WWTR1: variants seen among roughly 807,000 people sequenced by gnomAD.
The protein encoded by WWTR1 is WW domain containing transcription regulator 1, also known as WW domain-containing transcription regulator protein 1.
Under a neutral mutation model 40.1 loss-of-function variants are expected in WWTR1, and 13 were observed. The ratio of observed to expected loss-of-function variants is 0.32; its 90% confidence interval spans 0.21 to 0.52. WWTR1 has a LOEUF of 0.52. Among genes scored for constraint, WWTR1 ranks in the 20% least tolerant of loss-of-function variants. The pLI is 0.97. For missense variants in WWTR1, 436 were observed against 523.1 expected (o/e 0.83, Z 1.63); for synonymous variants, 230 against 210.1 (o/e 1.09, Z -0.82).
intron 2 of WWTR1, among the ~76,000 whole-genome samples, chr3:149,592,240 C>T (rs1325718632): frequency 6.6e-6 from 1 of 152,150 alleles, no homozygotes; most frequent in Non-Finnish European, 1.5e-5. Context: ...AGCTTAATCC[C>T]ACATTTCTGT....
upstream of WWTR1, among the ~76,000 whole-genome samples, chr3:149,707,033 A>G (rs143105096): frequency 7.6e-4 from 116 of 152,300 alleles, no homozygotes; most frequent in Admixed American, 1.3e-3. Flanking sequence ...TTGTTCTCAG[A>G]TGGGCCTTCA....
intron 3 of WWTR1, among the ~76,000 whole-genome samples, chr3:149,570,092 T>TGA (rs1464303252): frequency 6.6e-6 from 1 of 152,260 alleles, no homozygotes; most frequent in Non-Finnish European, 1.5e-5. Context: ...CTGACTGTAT[T>TGA]GAGACTCTCT....
At chr3:149,657,385 C>CGAGATGGT in intron 1 of WWTR1, 76 bp from the exon 2 acceptor site, 1 of 1,446,460 alleles carries the variant, frequency 6.9e-7, no homozygotes, top group Non-Finnish European at 9.2e-7. Flanking sequence ...GGTGAGAGGG[C>CGAGATGGT]GAGATGGTGG....
intron 1 of WWTR1, among the ~76,000 whole-genome samples, chr3:149,686,533 C>G (rs1714660835): frequency 6.6e-6 from 1 of 152,124 alleles, no homozygotes; most frequent in African/African-American, 2.4e-5. Flanking sequence ...GACACCATCT[C>G]TCTCTATATA....
At chr3:149,559,409 T>C (rs1212573295) in intron 3 of WWTR1, among the ~76,000 whole-genome samples, 3 of 151,376 alleles carry the variant, frequency 2.0e-5, no homozygotes, top group Non-Finnish European at 2.9e-5. Context: ...TTGTCTCAAA[T>C]GGTTCAGAAA....
chr3:149,571,697 A>G (rs1453138293), intron 3 of WWTR1, among the ~76,000 whole-genome samples: 1 of 152,224 alleles, frequency 6.6e-6, no homozygotes, highest in Non-Finnish European at 1.5e-5. Flanking sequence ...GTCCAGGAAT[A>G]ACGCTTCCAT....
intron 6 of WWTR1, chr3:149,525,755 G>T (rs535861400): frequency 1.4e-4 from 38 of 270,278 alleles, no homozygotes; most frequent in Non-Finnish European, 2.5e-4. Context: ...AGACACTCGG[G>T]ACTACTGGGA....
chr3:149,662,026 C>T (rs554530159), upstream of WWTR1, among the ~76,000 whole-genome samples: 2 of 152,106 alleles, frequency 1.3e-5, no homozygotes, highest in South Asian at 2.1e-4. Context: ...CCACCTCGCC[C>T]GGCCAAATAA....
intron 1 of WWTR1, among the ~76,000 whole-genome samples, chr3:149,679,965 C>A (rs1424998243): frequency 6.6e-6 from 1 of 152,144 alleles, no homozygotes; most frequent in Non-Finnish European, 1.5e-5. Context: ...ATTCTGACAT[C>A]ATGGTAAATC....
At chr3:149,695,461 A>G (rs1033547705) in intron 1 of WWTR1, among the ~76,000 whole-genome samples, 3 of 152,170 alleles carry the variant, frequency 2.0e-5, no homozygotes, top group African/African-American at 7.2e-5. Context: ...AAAATTAAAA[A>G]TAAAAAAATT....
intron 2 of WWTR1, chr3:149,648,922 A>G (rs943147131): frequency 5.3e-5 from 8 of 152,154 alleles, no homozygotes; most frequent in Non-Finnish European, 1.2e-4. Context: ...AGCCAGCCAC[A>G]CATTTCTTCT....
At chr3:149,550,249 G>T (rs1736554478) in intron 3 of WWTR1, among the ~76,000 whole-genome samples, 1 of 152,084 alleles carries the variant, frequency 6.6e-6, no homozygotes, top group Non-Finnish European at 1.5e-5. Context: ...GTGTCCCAGG[G>T]GAATAAATAG....
chr3:149,635,822 CT>C lies in WWTR1; in HGVS notation c.431+21053del, dbSNP rs1453468250. On this transcript the variant is annotated intron_variant, in intron 2 of 6. Transcript: ENST00000360632. The stretch of plus-strand genomic sequence containing the variant: ...AAAGCAAGAATGCATTTATTTATGA[CT>C]TGGGCAGTTTTTTAAAATAAAAAAA... 3.3e-5 allele frequency among the ~76,000 whole-genome samples: 5 copies of C among 152,200 alleles called. No individual in the cohort carries two copies. In the East Asian group the frequency reaches 5.8e-4, roughly 18 times the overall value.
intron 2 of WWTR1, among the ~76,000 whole-genome samples, chr3:149,653,528 T>G (rs529574235): frequency 1.3e-5 from 2 of 152,338 alleles, no homozygotes; most frequent in South Asian, 4.1e-4. Context: ...TCTAAAGGAA[T>G]ATCTGAATAC....
At chr3:149,534,816 G>A (rs1735748532) in intron 4 of WWTR1, among the ~76,000 whole-genome samples, 1 of 152,154 alleles carries the variant, frequency 6.6e-6, no homozygotes, top group Non-Finnish European at 1.5e-5. Flanking sequence ...TTATTTATGG[G>A]CTAAAAAATA....
chr3:149,586,194 A>C (rs909272991), intron 2 of WWTR1, among the ~76,000 whole-genome samples: 5 of 152,204 alleles, frequency 3.3e-5, no homozygotes, highest in African/African-American at 4.8e-5. Context: ...TTTTGTTTTG[A>C]TATACCTTTA....
At chr3:149,608,666 G>C (rs1739596480) in intron 2 of WWTR1, among the ~76,000 whole-genome samples, 3 of 152,106 alleles carry the variant, frequency 2.0e-5, no homozygotes, top group Admixed American at 2.0e-4. Context: ...TAGGATTACA[G>C]GTGTGAGTCA....
chr3:149,648,689 C>G (rs1712671525), intron 2 of WWTR1, among the ~76,000 whole-genome samples: 1 of 152,166 alleles, frequency 6.6e-6, no homozygotes, highest in Non-Finnish European at 1.5e-5. Context: ...GGAGTACAGC[C>G]AATGGGAGAA....
intron 2 of WWTR1, among the ~76,000 whole-genome samples, chr3:149,579,270 G>C (rs993446347): frequency 8.5e-5 from 13 of 152,148 alleles, no homozygotes; most frequent in Non-Finnish European, 1.3e-4. Flanking sequence ...ACGGGACCTG[G>C]AAGCAGCCTC....
Sources: allele counts gnomAD v4.1 joint callset (sites outside exome capture counted in the v4.1 genomes callset), GRCh38; gene constraint gnomAD v4.1.1; transcripts MANE v1.5; gene names NCBI Gene and HGNC (gene_info 2026-07-23, HGNC 2026-07-21).